The following PLCB1 variants were observed in gnomAD, a reference collection of about 807,000 sequenced individuals.
PLCB1 encodes the protein phospholipase C beta 1, also known as 1-phosphatidylinositol 4,5-bisphosphate phosphodiesterase beta-1.
Under a neutral mutation model 161.8 loss-of-function variants are expected in PLCB1, and 46 were observed. The ratio of observed to expected loss-of-function variants is 0.28; its 90% CI spans 0.22 to 0.36. PLCB1 has a LOEUF of 0.36. Ranked by LOEUF, PLCB1 falls within the 10% of genes least tolerant of loss-of-function variation. PLCB1 has a pLI of 1.00. For missense variants in PLCB1, 1,016 were observed against 1,472.5 expected (o/e 0.69, Z 5.07); for synonymous variants, 517 against 503.7 (o/e 1.03, Z -0.35).
intron 3 of PLCB1, among the ~76,000 whole-genome samples, chr20:8,492,649 G>A (rs1982993178): frequency 6.6e-6 from 1 of 152,062 alleles, no homozygotes; most frequent in Non-Finnish European, 1.5e-5. Context: ...TGGTGGAAAT[G>A]ATGCCTTTCT....
chr20:8,239,246 T>A (rs1600254817), intron 2 of PLCB1, among the ~76,000 whole-genome samples: 1 of 151,952 alleles, frequency 6.6e-6, no homozygotes, highest in Admixed American at 6.6e-5. Context: ...GAATGCAACT[T>A]AAAATCTAGT....
intron 31 of PLCB1, among the ~76,000 whole-genome samples, chr20:8,881,328 C>CGTGTGTGTGTGTGTGT (rs3222517): frequency 6.8e-4 from 88 of 128,978 alleles, no homozygotes; most frequent in African/African-American, 1.8e-3. Context: ...TCAAAAGACC[C>CGTGTGTGTGTGTGTGT]GTGTGTGTGT....
chr20:8,216,511 C>T (rs1025559689), intron 2 of PLCB1, among the ~76,000 whole-genome samples: 4 of 152,038 alleles, frequency 2.6e-5, no homozygotes, highest in East Asian at 1.9e-4. Context: ...AAAACAGAGG[C>T]AGAGTTCAGA....
intron 26 of PLCB1, among the ~76,000 whole-genome samples, chr20:8,769,792 T>A (rs1982572283): frequency 6.6e-6 from 1 of 152,208 alleles, no homozygotes; most frequent in South Asian, 2.1e-4. Context: ...ACATATTACA[T>A]CCTTCCTTTA....
chr20:8,364,957 A>G (rs116101758), intron 2 of PLCB1, among the ~76,000 whole-genome samples: 31 of 152,160 alleles, frequency 2.0e-4, no homozygotes, highest in African/African-American at 7.2e-4. Flanking sequence ...TTCTTTGTTT[A>G]TTTACATTCC....
At chr20:8,590,167 G>A (rs1160500246) in intron 3 of PLCB1, among the ~76,000 whole-genome samples, 1 of 152,140 alleles carries the variant, frequency 6.6e-6, no homozygotes, top group Non-Finnish European at 1.5e-5. Context: ...CCTGGTAGGA[G>A]CCTGGGAATG....
At chr20:8,557,457 T>G (rs1568507085) in intron 3 of PLCB1, among the ~76,000 whole-genome samples, 1 of 152,042 alleles carries the variant, frequency 6.6e-6, no homozygotes, top group Non-Finnish European at 1.5e-5. Context: ...AGGACAGATA[T>G]TTGTATGATT....
At chr20:8,463,165 G>A (rs796788629) in intron 3 of PLCB1, among the ~76,000 whole-genome samples, 1 of 151,370 alleles carries the variant, frequency 6.6e-6, no homozygotes, top group Admixed American at 6.6e-5. Context: ...GTGTGTGTGT[G>A]TGTGTGTGTG....
At chr20:8,229,144 T>C (rs1979869755) in intron 2 of PLCB1, among the ~76,000 whole-genome samples, 1 of 152,170 alleles carries the variant, frequency 6.6e-6, no homozygotes, top group Non-Finnish European at 1.5e-5. Context: ...AGTATTTATC[T>C]TTCTATTCCT....
At chr20:8,183,088 A>G (rs2051863991) in intron 2 of PLCB1, among the ~76,000 whole-genome samples, 2 of 152,146 alleles carry the variant, frequency 1.3e-5, no homozygotes, top group African/African-American at 4.8e-5. Context: ...AGCAAAGATG[A>G]GGCTTTGCTG....
chr20:8,804,788 G>C (rs747000133), intron 31 of PLCB1, among the ~76,000 whole-genome samples: 1 of 151,970 alleles, frequency 6.6e-6, no homozygotes, highest in African/African-American at 2.4e-5. Flanking sequence ...TCAGAAGTTC[G>C]AGACCAGCCT....
chr20:8,526,316 T>C (rs1426240292), intron 3 of PLCB1, among the ~76,000 whole-genome samples: 1 of 152,166 alleles, frequency 6.6e-6, no homozygotes, highest in Non-Finnish European at 1.5e-5. Flanking sequence ...TTGATGATGA[T>C]GTTTCTTTGA....
intron 9 of PLCB1, among the ~76,000 whole-genome samples, chr20:8,680,459 C>T (rs1990185447): frequency 1.3e-5 from 2 of 152,146 alleles, no homozygotes; most frequent in South Asian, 2.1e-4. Context: ...TATTGGCTTT[C>T]CTTGACTTTG....
chr20:8,822,707 G>A (rs577925202), intron 31 of PLCB1, among the ~76,000 whole-genome samples: 4 of 152,240 alleles, frequency 2.6e-5, no homozygotes, highest in South Asian at 2.1e-4. Flanking sequence ...CTTCCTAAAC[G>A]CTTCCTCAGA....
intron 23 of PLCB1, among the ~76,000 whole-genome samples, chr20:8,745,209 GAA>G (rs754532422): frequency 6.6e-6 from 1 of 152,134 alleles, no homozygotes; most frequent in African/African-American, 2.4e-5. Context: ...TGCTAGGAAA[GAA>G]AAGTCATTTC....
chr20:8,685,137 T>A, intron 10 of PLCB1, 59 bp downstream of exon 10: 1 of 1,484,424 alleles, frequency 6.7e-7, no homozygotes. Context: ...CACCAACCTC[T>A]ACTTTCTGTT....
intron 1 of PLCB1, among the ~76,000 whole-genome samples, chr20:8,149,574 T>C (rs895196822): frequency 2.6e-5 from 4 of 152,214 alleles, no homozygotes; most frequent in Non-Finnish European, 5.9e-5. Flanking sequence ...TGCAAAGGCC[T>C]GAGTGTTTCA....
intron 2 of PLCB1, among the ~76,000 whole-genome samples, chr20:8,246,323 G>A (rs997500820): frequency 6.6e-6 from 1 of 151,930 alleles, no homozygotes; most frequent in Non-Finnish European, 1.5e-5. Context: ...AGTCAGCTAG[G>A]TTGCTTTGCT....
chr20:8,695,373 G>C (rs1990562306), intron 10 of PLCB1, among the ~76,000 whole-genome samples: 1 of 152,284 alleles, frequency 6.6e-6, no homozygotes, highest in South Asian at 2.1e-4. Context: ...TTAACAGTTT[G>C]CATCAATATG....
Sources: gnomAD v4.1 joint callset for allele counts (sites outside exome capture counted in the v4.1 genomes callset) on GRCh38, gnomAD v4.1.1 for gene constraint, MANE v1.5 for transcripts, NCBI Gene and HGNC (gene_info 2026-07-23, HGNC 2026-07-21) for gene names.